Variants in IRAK1BP1 observed in about 807,000 individuals in gnomAD.
IRAK1BP1 encodes interleukin 1 receptor associated kinase 1 binding protein 1.
A neutral mutation model predicts 28.0 loss-of-function variants in IRAK1BP1; 24 were observed. That is an observed-to-expected ratio of 0.86 (90% CI 0.62 to 1.20). The LOEUF (loss-of-function observed/expected upper bound fraction) is 1.20, where lower values mean the gene tolerates loss of function less well. Among genes scored for constraint, IRAK1BP1 ranks in the 50% most tolerant of loss-of-function variants. The probability of loss-of-function intolerance (pLI) is 0.00; values close to 1 mark genes in which losing one functional copy is unlikely to be tolerated. For missense variants in IRAK1BP1, 336 were observed against 316.7 expected (o/e 1.06, Z -0.46); for synonymous variants, 131 against 116.3 (o/e 1.13, Z -0.81).
At chr6:78,972,039 G>A in the IRAK1BP1 span, among the ~76,000 whole-genome samples, 4 of 152,182 alleles carry the variant, frequency 2.6e-5, no homozygotes, top group African/African-American at 9.6e-5. Flanking sequence ...GCTCAAGGAG[G>A]CCTGCCTGCC....
Position 78,897,959 on chromosome 6 carries a change from G to A in IRAK1BP1, c.512G>A (p.Arg171Gln), listed in dbSNP as rs554252985. The change falls in exon 3 of 4, where the codon CGA (arginine) becomes CAA (glutamine). Residue 171 changes from arginine to glutamine, a missense_variant and splice_region_variant. Arg to Gln is a conservative substitution (Grantham distance 43, BLOSUM62 1). Transcript: ENST00000369940. ...YHTPGSVENL[R>Q]RQACLVAVEN... Reference sequence around the variant, plus strand: ...ACTCCAGGTTCTGTTGAGAATCTTCGGTAAGTTTAAGCACATCTTTAACTA... The same window carrying A: ...ACTCCAGGTTCTGTTGAGAATCTTCAGTAAGTTTAAGCACATCTTTAACTA... 9.3e-6 allele frequency: 15 copies of A among 1,613,390 alleles called. No individual in the cohort carries two copies. Among genetic ancestry groups the A allele is most frequent in the Admixed American group, 1.7e-5 (1 of 59,886 alleles).
downstream of IRAK1BP1, among the ~76,000 whole-genome samples, chr6:78,903,798 T>TG (rs148948894): frequency 0.021 from 3,222 of 152,300 alleles, 116 homozygotes; most frequent in African/African-American, 0.073. Context: ...ATAAAGATTC[T>TG]GTCTCCTATC....
At chr6:78,872,980 G>A (rs1432167415) in intron 1 of IRAK1BP1, among the ~76,000 whole-genome samples, 1 of 151,876 alleles carries the variant, frequency 6.6e-6, no homozygotes, top group East Asian at 1.9e-4. Flanking sequence ...ACCTGGCCAG[G>A]CACGATGGCT....
chr6:78,948,294 G>A (rs749868460), downstream of IRAK1BP1, among the ~76,000 whole-genome samples: 14 of 152,006 alleles, frequency 9.2e-5, no homozygotes, highest in South Asian at 2.1e-4. Flanking sequence ...AAAGAATTAC[G>A]AATGTAAATA....
chr6:78,950,806 T>C (rs1170942847), downstream of IRAK1BP1, among the ~76,000 whole-genome samples: 4 of 149,426 alleles, frequency 2.7e-5, no homozygotes, highest in Admixed American at 6.6e-5. Context: ...TTCAATTTCA[T>C]AGATTTTCTT....
chr6:78,875,186 C>T (rs112158634), intron 1 of IRAK1BP1, among the ~76,000 whole-genome samples: 2 of 151,972 alleles, frequency 1.3e-5, no homozygotes, highest in Non-Finnish European at 2.9e-5. Flanking sequence ...AGTGAAATAC[C>T]GTCTCACACT....
chr6:78,913,024 C>A (rs1419181825), intron 4 of IRAK1BP1, among the ~76,000 whole-genome samples: 2 of 152,214 alleles, frequency 1.3e-5, no homozygotes, highest in African/African-American at 4.8e-5. Context: ...ACTGCAAAAT[C>A]ATGATTGATT....
downstream of IRAK1BP1, among the ~76,000 whole-genome samples, chr6:78,949,902 T>A (rs1774049662): frequency 6.6e-6 from 1 of 152,142 alleles, no homozygotes; most frequent in Non-Finnish European, 1.5e-5. Context: ...TTGCTCAGAC[T>A]GGTCTCAAAC....
chr6:78,935,685 GAC>G (rs764231384), intron 4 of IRAK1BP1: 6 of 984,596 alleles, frequency 6.1e-6, no homozygotes, highest in East Asian at 2.3e-4. Flanking sequence ...TCTTTTAACT[GAC>G]AGTTTTCACA....
chr6:78,971,730 C>T, the IRAK1BP1 span, among the ~76,000 whole-genome samples: 1 of 152,020 alleles, frequency 6.6e-6, no homozygotes, highest in Non-Finnish European at 1.5e-5. Context: ...CACAGGGAGT[C>T]AGGGAGTTCC....
chr6:78,966,302 C>T, the IRAK1BP1 span, among the ~76,000 whole-genome samples: 54 of 152,156 alleles, frequency 3.5e-4, no homozygotes, highest in Non-Finnish European at 5.6e-4. Context: ...TTAAGGTATA[C>T]AGAAATTCAC....
the IRAK1BP1 span, among the ~76,000 whole-genome samples, chr6:78,970,373 G>A: frequency 2.0e-5 from 3 of 151,426 alleles, no homozygotes; most frequent in South Asian, 2.1e-4. Context: ...TTTTTAAAAC[G>A]TAAAAAAGGA....
intron 2 of IRAK1BP1, among the ~76,000 whole-genome samples, chr6:78,890,560 A>G (rs1771612117): frequency 6.6e-6 from 1 of 152,210 alleles, no homozygotes; most frequent in South Asian, 2.1e-4. Flanking sequence ...AACAACAACA[A>G]CAACAAACTC....
the IRAK1BP1 span, chr6:78,955,088 G>A: frequency 2.3e-6 from 2 of 886,678 alleles, no homozygotes; most frequent in East Asian, 2.8e-5. Flanking sequence ...TATTCACCAA[G>A]TTCTAAAAAA....
chr6:78,946,630 G>C (rs1773834229), downstream of IRAK1BP1: 4 of 1,468,102 alleles, frequency 2.7e-6, no homozygotes, highest in Non-Finnish European at 3.6e-6. Context: ...GAATAGTAAA[G>C]GAAGTATTAA....
At chr6:78,936,999 A>C (rs1426124084) in intron 4 of IRAK1BP1, 2 of 151,812 alleles carry the variant, frequency 1.3e-5, no homozygotes, top group African/African-American at 4.8e-5. Flanking sequence ...ACCACTGCTC[A>C]ATCTGTTATG....
At position 78,900,554 on chromosome 6, in the gene IRAK1BP1, G is replaced by T. The variant is rs1772059668; in HGVS notation, c.*2220G>T. 6.6e-6 allele frequency: 1 copy of T among 152,156 alleles called. No individual in the cohort carries two copies. Among genetic ancestry groups the T allele is most frequent in the Non-Finnish European group, 1.5e-5 (1 of 68,044 alleles). 9.4% of individuals were successfully genotyped at this position (152,156 alleles called of 1,614,324 possible). A position where few individuals can be genotyped will look rare whatever the true frequency, so the allele number is the denominator to read the frequency against. On this transcript the variant is annotated 3_prime_UTR_variant, in exon 4 of 4. Coordinates refer to ENST00000369940, the MANE Select transcript of IRAK1BP1 (RefSeq NM_001010844.4). Reference sequence around the variant, plus strand: ...TATCCAAATCCTGACCTTACTACTGGAATGTAAGCTCCTTGAAAGTGGAGA... The same window carrying T: ...TATCCAAATCCTGACCTTACTACTGTAATGTAAGCTCCTTGAAAGTGGAGA...
chr6:78,903,095 C>T lies in IRAK1BP1; in HGVS notation c.*4761C>T. ...TCCCACATCAAATGAACAAATACTG[C>T]CTCTGGACTCTGAATGTAAGTTGGT... On this transcript the variant is annotated 3_prime_UTR_variant, in exon 4 of 4. Transcript: ENST00000369940. 6.8e-7 allele frequency: 1 copy of T among 1,478,292 alleles called. No homozygotes were observed. The highest frequency in any genetic ancestry group is 9.1e-7 in the Non-Finnish European group (1 of 1,096,640). The allele number at this position is 1,478,292 out of a possible 1,614,324, so 91.6% of individuals were successfully genotyped here.
rs1022360686 is a variant in IRAK1BP1 at position 78,918,412 on chromosome 6, AAAAC to A, written c.*67+15305_*67+15308del. ...AAGAGGCAGAGACAAGTTGAAGAAA[AAAAC>A]AAGACCTATCTGTCTGCTGTCTTCA... On this transcript the variant is annotated intron_variant and NMD_transcript_variant, in intron 4 of 4. Transcript: ENST00000606868. Among the ~76,000 whole-genome samples the A allele has an allele frequency of 5.1e-4, 78 of 152,108 alleles. 2 individuals are homozygous for A. The highest frequency in any genetic ancestry group is 1.5e-5 in the Non-Finnish European group (1 of 68,016).
Sources: allele counts gnomAD v4.1 joint callset (sites outside exome capture counted in the v4.1 genomes callset), GRCh38; gene constraint gnomAD v4.1.1; transcripts MANE v1.5; gene names NCBI Gene and HGNC (gene_info 2026-07-23, HGNC 2026-07-21).